Variants in SYNJ1 observed in about 807,000 individuals in gnomAD.
The protein encoded by SYNJ1 is polyphosphatidylinositol phosphatase SYNJ1.
SYNJ1 carries 78 observed loss-of-function variants against 168.2 expected under a neutral mutation model. The observed-to-expected ratio is 0.46, with a 90% CI of 0.39 to 0.56. The LOEUF (loss-of-function observed/expected upper bound fraction) is 0.56. SYNJ1 is among the 20% of genes least tolerant of loss of function. SYNJ1 has a pLI of 0.00. For synonymous variants in SYNJ1, 539 were observed against 548.6 expected (o/e 0.98, Z 0.24); for missense variants, 1,303 against 1,597.6 (o/e 0.82, Z 3.14).
chr21:32,726,669 C>G (rs1419434859), intron 2 of SYNJ1, 103 bp downstream of exon 2: 4 of 1,398,636 alleles, frequency 2.9e-6, no homozygotes, highest in Middle Eastern at 1.9e-4. Flanking sequence ...AGAGGAAATA[C>G]AGTGAAAGGG....
intron 24 of SYNJ1, 81 bp from the exon 25 acceptor site, chr21:32,645,870 A>G (rs1422797682): frequency 4.0e-6 from 6 of 1,510,320 alleles, no homozygotes; most frequent in Non-Finnish European, 4.5e-6. Flanking sequence ...ATATATGTGT[A>G]ATGTTCTATA....
chr21:32,674,149 T>C (rs920708880), intron 13 of SYNJ1, among the ~76,000 whole-genome samples: 4 of 152,218 alleles, frequency 2.6e-5, no homozygotes, highest in Admixed American at 6.5e-5. Flanking sequence ...ACAATTTGTC[T>C]TGTTTTTCCA....
chr21:32,717,054 G>T (rs532552428), intron 2 of SYNJ1, among the ~76,000 whole-genome samples: 1 of 152,080 alleles, frequency 6.6e-6, no homozygotes, highest in African/African-American at 2.4e-5. Flanking sequence ...CCAACTCCTG[G>T]GTTCAAGTAA....
chr21:32,662,990 C>T (rs1021184036), intron 18 of SYNJ1, among the ~76,000 whole-genome samples: 3 of 152,152 alleles, frequency 2.0e-5, no homozygotes, highest in African/African-American at 7.2e-5. Flanking sequence ...TCTCCTGAGC[C>T]AGTGCTTCAA....
At chr21:32,657,646 T>A in intron 19 of SYNJ1, 70 bp downstream of exon 19, 1 of 1,402,468 alleles carries the variant, frequency 7.1e-7, no homozygotes, top group Non-Finnish European at 9.6e-7. Context: ...CCTCATTTGA[T>A]ATTATGTCAT....
chr21:32,635,639 G>A (rs1240116087), intron 31 of SYNJ1, among the ~76,000 whole-genome samples: 7 of 152,196 alleles, frequency 4.6e-5, no homozygotes, highest in East Asian at 1.9e-4. Flanking sequence ...TAGAGAAAAT[G>A]GCAATGTAAT....
At chr21:32,673,267 G>A (rs1262040421) in intron 14 of SYNJ1, 73 bp downstream of exon 14, 31 of 1,349,128 alleles carry the variant, frequency 2.3e-5, no homozygotes, top group Non-Finnish European at 3.0e-5. Flanking sequence ...CCTCTGAAGT[G>A]CTATATTTGT....
chr21:32,668,599 G>C (rs192245162), intron 15 of SYNJ1, among the ~76,000 whole-genome samples: 1 of 152,264 alleles, frequency 6.6e-6, no homozygotes, highest in East Asian at 1.9e-4. Context: ...TTTGTCACTT[G>C]CAAGATTGAT....
At chr21:32,663,689 C>T (rs2040806828) in intron 18 of SYNJ1, among the ~76,000 whole-genome samples, 1 of 152,260 alleles carries the variant, frequency 6.6e-6, no homozygotes, top group East Asian at 1.9e-4. Flanking sequence ...TATTACAGAC[C>T]TGCTACTTGG....
chr21:32,697,657 C>G (rs2042257671), intron 4 of SYNJ1, among the ~76,000 whole-genome samples: 1 of 152,168 alleles, frequency 6.6e-6, no homozygotes, highest in African/African-American at 2.4e-5. Flanking sequence ...AAAATATTAG[C>G]CTGCGTGGTG....
rs112529439 is a variant in SYNJ1, at chr21:32,679,587, C to T, written c.1354-786G>A. On this transcript the variant is annotated intron_variant, in intron 11 of 32. Coordinates refer to ENST00000674351, the MANE Select transcript of SYNJ1 (RefSeq NM_203446.3). Reference sequence around the variant, plus strand: ...ACTTGCGTCTTTTAGGAAATAACTTCAGTTTGCAATATGTAATTTTTATTC... The same window carrying T: ...ACTTGCGTCTTTTAGGAAATAACTTTAGTTTGCAATATGTAATTTTTATTC... Among the ~76,000 whole-genome samples, 114 of 152,190 alleles carry T rather than the reference C, an allele frequency of 7.5e-4. 1 individual carries two copies. Among genetic ancestry groups the T allele is most frequent in the African/African-American group, 2.6e-3 (109 of 41,570 alleles).
intron 8 of SYNJ1, 87 bp from the exon 9 acceptor site, chr21:32,686,004 G>C: frequency 7.3e-7 from 1 of 1,369,318 alleles, no homozygotes; most frequent in Non-Finnish European, 9.8e-7. Context: ...ATTGACACTG[G>C]CAATAAATCT....
chr21:32,692,720 C>G (rs1299919722), intron 6 of SYNJ1, among the ~76,000 whole-genome samples: 1 of 152,124 alleles, frequency 6.6e-6, no homozygotes, highest in African/African-American at 2.4e-5. Flanking sequence ...AGGACGCAAC[C>G]TTATTGGATC....
At chr21:32,724,226 G>T (rs982044068) in intron 2 of SYNJ1, among the ~76,000 whole-genome samples, 4 of 152,136 alleles carry the variant, frequency 2.6e-5, no homozygotes, top group African/African-American at 9.7e-5. Context: ...GGTGGCTCAC[G>T]CCTGTAATCC....
intron 2 of SYNJ1, among the ~76,000 whole-genome samples, chr21:32,712,647 C>T (rs1435057917): frequency 1.3e-5 from 2 of 152,032 alleles, no homozygotes; most frequent in African/African-American, 2.4e-5. Context: ...CAGTCAGTAC[C>T]GTGACACCTT....
At chr21:32,728,020 G>A (rs1264152071), upstream of SYNJ1, 1 of 1,535,906 alleles carries the variant, frequency 6.5e-7, no homozygotes, top group African/African-American at 1.4e-5. Context: ...TTCCGCTCCA[G>A]CAGGCCCATC....
At chr21:32,707,104 A>G (rs556711889) in intron 2 of SYNJ1, among the ~76,000 whole-genome samples, 99 of 151,788 alleles carry the variant, frequency 6.5e-4, no homozygotes, top group African/African-American at 2.3e-3. Context: ...ATCTGGACCA[A>G]CCTTTAATCA....
At chr21:32,700,515 C>G (rs562402832) in intron 3 of SYNJ1, among the ~76,000 whole-genome samples, 65 of 151,956 alleles carry the variant, frequency 4.3e-4, no homozygotes, top group African/African-American at 1.5e-3. Flanking sequence ...ACTAGCTGGG[C>G]GTGGTGGTGC....
chr21:32,640,696 G>C (rs541835455), intron 29 of SYNJ1, among the ~76,000 whole-genome samples: 1 of 152,080 alleles, frequency 6.6e-6, no homozygotes, highest in Non-Finnish European at 1.5e-5. Context: ...TGCGTAGCTG[G>C]GACTACAGGT....
Sources: gnomAD v4.1 joint callset for allele counts (sites outside exome capture counted in the v4.1 genomes callset) on GRCh38, gnomAD v4.1.1 for gene constraint, MANE v1.5 for transcripts, NCBI Gene and HGNC (gene_info 2026-07-23, HGNC 2026-07-21) for gene names.